Variants in PPP1R9A observed in about 807,000 individuals in gnomAD.
The protein encoded by PPP1R9A is protein phosphatase 1 regulatory subunit 9A, also known as neurabin-1.
In PPP1R9A, 59 loss-of-function variants were observed where a neutral mutation model predicts 141.9. The ratio of observed to expected loss-of-function variants is 0.42; its 90% CI spans 0.34 to 0.52. The LOEUF (loss-of-function observed/expected upper bound fraction) is 0.52. Ranked by LOEUF, PPP1R9A falls within the 20% of genes least tolerant of loss-of-function variation. PPP1R9A has a pLI of 0.10. For synonymous variants in PPP1R9A, 500 were observed against 569.7 expected (o/e 0.88, Z 1.74); for missense variants, 1,444 against 1,611.9 (o/e 0.90, Z 1.78).
At chr7:94,934,120 C>A (rs1354722941) in intron 2 of PPP1R9A, among the ~76,000 whole-genome samples, 1 of 152,050 alleles carries the variant, frequency 6.6e-6, no homozygotes, top group East Asian at 1.9e-4. Flanking sequence ...CTTAAATCCA[C>A]AAAATGAGGG....
chr7:95,025,459 T>C (rs1235303415), intron 2 of PPP1R9A, among the ~76,000 whole-genome samples: 1 of 152,218 alleles, frequency 6.6e-6, no homozygotes, highest in African/African-American at 2.4e-5. Flanking sequence ...CCTGATGGGC[T>C]TGCCTTTGTG....
chr7:95,202,717 T>G, intron 6 of PPP1R9A: 1 of 305,228 alleles, frequency 3.3e-6, no homozygotes, highest in Non-Finnish European at 4.8e-6. Flanking sequence ...GTTTGTAGCC[T>G]TTTAGTAGTG....
intron 2 of PPP1R9A, among the ~76,000 whole-genome samples, chr7:94,982,159 A>C (rs1034899611): frequency 6.6e-6 from 1 of 151,974 alleles, no homozygotes; most frequent in East Asian, 1.9e-4. Context: ...TGAACTCATC[A>C]TTTTTTATGG....
intron 2 of PPP1R9A, among the ~76,000 whole-genome samples, chr7:94,942,999 A>G (rs957656031): frequency 5.9e-5 from 9 of 152,062 alleles, no homozygotes; most frequent in African/African-American, 1.4e-4. Context: ...GTTTGCTACA[A>G]TGATTCTGGG....
At chr7:95,046,870 A>G (rs760139591) in intron 2 of PPP1R9A, among the ~76,000 whole-genome samples, 1 of 152,186 alleles carries the variant, frequency 6.6e-6, no homozygotes, top group Non-Finnish European at 1.5e-5. Flanking sequence ...ATTATTCTCT[A>G]ATGTTTATAA....
Position 95,124,097 on chromosome 7 carries a change from AATT to A in PPP1R9A, c.1649+3273_1649+3275del, listed in dbSNP as rs1247044072. ...TGGGTGTCAGAAAATGACAAAATAA[AATT>A]ATTATTACACTTACAACAGATTTAT... On this transcript the variant is annotated intron_variant, in intron 4 of 19. Coordinates refer to ENST00000433360, the MANE Select transcript of PPP1R9A (RefSeq NM_001166160.2). Among the ~76,000 whole-genome samples the A allele has an allele frequency of 3.3e-5, 5 of 152,230 alleles. No homozygotes were observed. In the South Asian group the frequency reaches 6.2e-4, roughly 19 times the overall value.
chr7:95,250,129 A>G lies in PPP1R9A; in HGVS notation c.2270A>G (p.Tyr757Cys). The G allele has an allele frequency of 6.2e-7, 1 of 1,613,960 alleles. No homozygotes were observed. The highest frequency in any genetic ancestry group is 8.5e-7 in the Non-Finnish European group (1 of 1,179,934). Residue 757 changes from tyrosine to cysteine, a missense_variant, in exon 10 of 20, where the codon TAC (tyrosine) becomes TGC (cysteine). Physicochemically the swap from Tyr to Cys is radical, Grantham distance 194. Around this residue, in one of 5 missense-constraint regions of PPP1R9A, gnomAD observed 488 missense variants for 542.0 expected, o/e 0.90. Coordinates refer to ENST00000433360, the MANE Select transcript of PPP1R9A (RefSeq NM_001166160.2). ...NKERMLKLES[Y>C]WIEAQTLCHT... ...GAAAGAATGTTGAAGTTGGAAAGCT[A>G]CTGGATTGAGGCCCAAACATTATGC...
At chr7:95,201,056 G>A (rs556074905) in intron 6 of PPP1R9A, among the ~76,000 whole-genome samples, 2 of 149,872 alleles carry the variant, frequency 1.3e-5, no homozygotes, top group Admixed American at 1.3e-4. Context: ...TACTGTTTGC[G>A]GTGATGGAGT....
intron 9 of PPP1R9A, among the ~76,000 whole-genome samples, chr7:95,248,975 G>A (rs949330425): frequency 2.4e-4 from 37 of 152,178 alleles, no homozygotes; most frequent in African/African-American, 8.9e-4. Context: ...TAATGACTTT[G>A]CATCCTTTTG....
intron 2 of PPP1R9A, among the ~76,000 whole-genome samples, chr7:94,967,639 CT>C (rs1199076362): frequency 2.6e-5 from 4 of 151,024 alleles, no homozygotes; most frequent in Admixed American, 6.6e-5. Context: ...GAGTGAGTTT[CT>C]TTTTTTTTGT....
intron 2 of PPP1R9A, among the ~76,000 whole-genome samples, chr7:95,103,123 T>C (rs537694516): frequency 6.6e-6 from 1 of 152,284 alleles, no homozygotes; most frequent in South Asian, 2.1e-4. Flanking sequence ...CCTGGGTCTC[T>C]GGCCTGCAGG....
At chr7:95,103,815 C>T (rs138870167) in intron 2 of PPP1R9A, among the ~76,000 whole-genome samples, 282 of 152,320 alleles carry the variant, frequency 1.9e-3, no homozygotes, top group African/African-American at 6.2e-3. Flanking sequence ...CGTGGGAACT[C>T]TCTTTACCCT....
chr7:95,240,428 G>A (rs1480735761), intron 8 of PPP1R9A, among the ~76,000 whole-genome samples: 5 of 150,904 alleles, frequency 3.3e-5, no homozygotes. Context: ...TTTTTTTCTA[G>A]AAATACTGTC....
At chr7:95,007,783 G>A (rs566190109) in intron 2 of PPP1R9A, among the ~76,000 whole-genome samples, 5 of 151,970 alleles carry the variant, frequency 3.3e-5, no homozygotes, top group East Asian at 1.9e-4. Context: ...TTATAGAAAC[G>A]AAGCTTTGTC....
chr7:95,068,430 A>G (rs1310420898), intron 2 of PPP1R9A, among the ~76,000 whole-genome samples: 1 of 131,030 alleles, frequency 7.6e-6, no homozygotes, highest in Non-Finnish European at 1.6e-5. Context: ...AGATCGCACC[A>G]TTACACTCCA....
chr7:94,990,525 A>G (rs1264738830), intron 2 of PPP1R9A, among the ~76,000 whole-genome samples: 2 of 152,076 alleles, frequency 1.3e-5, no homozygotes, highest in African/African-American at 4.8e-5. Context: ...CATATCCATC[A>G]CCTCAAATAT....
At chr7:95,214,529 A>G (rs984497936) in intron 7 of PPP1R9A, among the ~76,000 whole-genome samples, 3 of 151,928 alleles carry the variant, frequency 2.0e-5, no homozygotes, top group African/African-American at 7.3e-5. Context: ...TTTTTTTTTC[A>G]ACTAATCTGA....
At chr7:95,011,469 CTA>C (rs1563117284) in intron 2 of PPP1R9A, among the ~76,000 whole-genome samples, 1 of 152,154 alleles carries the variant, frequency 6.6e-6, no homozygotes, top group Non-Finnish European at 1.5e-5. Context: ...AAAGTAATCA[CTA>C]TATATGTGGT....
intron 2 of PPP1R9A, among the ~76,000 whole-genome samples, chr7:95,072,770 A>AT (rs1423021934): frequency 1.9e-5 from 2 of 105,530 alleles, no homozygotes; most frequent in African/African-American, 4.0e-5. Flanking sequence ...AAATATATAT[A>AT]TTAAATATAT....
Sources: gnomAD v4.1 joint callset for allele counts (sites outside exome capture counted in the v4.1 genomes callset) on GRCh38, gnomAD v4.1.1 for gene constraint, gnomAD v4.1.1 regional missense constraint, MANE v1.5 for transcripts, NCBI Gene and HGNC (gene_info 2026-07-23, HGNC 2026-07-21) for gene names.